The following SESN1 variants were observed in gnomAD, a reference collection of about 807,000 sequenced individuals.
SESN1 encodes the protein sestrin 1.
SESN1 carries 30 observed loss-of-function variants against 59.3 expected under a neutral mutation model. The observed-to-expected ratio is 0.51, with a 90% CI of 0.38 to 0.69. SESN1 has a LOEUF of 0.69. Among genes scored for constraint, SESN1 ranks in the 30% least tolerant of loss-of-function variants. The probability of loss-of-function intolerance (pLI) is 0.00; values close to 1 mark genes in which losing one functional copy is unlikely to be tolerated. For missense variants in SESN1, 566 were observed against 673.0 expected (o/e 0.84, Z 1.76); for synonymous variants, 197 against 219.9 (o/e 0.90, Z 0.92).
chr6:109,047,395 C>A (rs1303239296), intron 1 of SESN1, among the ~76,000 whole-genome samples: 1 of 130,280 alleles, frequency 7.7e-6, no homozygotes, highest in Admixed American at 7.2e-5. Flanking sequence ...AGGTGAGGGG[C>A]GCCTCTGCCC....
At chr6:109,065,256 TA>T (rs60833946) in intron 1 of SESN1, among the ~76,000 whole-genome samples, 12,105 of 152,080 alleles carry the variant, frequency 0.08, 1,151 homozygotes, top group African/African-American at 0.23. Context: ...TATAGGTTTA[TA>T]AAAAAAATTA....
Position 109,093,783 on chromosome 6 carries a change from G to A in SESN1, c.279+12C>T, listed in dbSNP as rs763294304. On this transcript the variant is annotated intron_variant, in intron 1 of 9. Transcript: ENST00000436639. ...GTAGAGACATAGTTGTATTTAAAAT[G>A]CTCTTCCTTACCTGGATGCTCTTCA... 4 of 1,607,990 alleles carry A rather than the reference G, an allele frequency of 2.5e-6. No homozygotes were observed. The highest frequency in any genetic ancestry group is 3.4e-6 in the Non-Finnish European group (4 of 1,175,794).
chr6:109,031,973 T>A (rs976308460), intron 1 of SESN1, among the ~76,000 whole-genome samples: 1 of 152,210 alleles, frequency 6.6e-6, no homozygotes, highest in East Asian at 1.9e-4. Context: ...ATCTTGAAGG[T>A]AATTTAATAT....
At position 108,987,306 on chromosome 6, in the gene SESN1, A is replaced by G. The variant is rs935044062; in HGVS notation, c.*238T>C. ...AGTTACACAGCATCTTGTACTGTCA[A>G]AAAGCAAAATACTGTGAATGGCAGC... is the stretch of plus-strand genomic sequence containing the variant. On this transcript the variant is annotated 3_prime_UTR_variant, in exon 10 of 10. Coordinates refer to ENST00000436639, the MANE Select transcript of SESN1 (RefSeq NM_014454.3). The G allele has an allele frequency of 4.2e-5, 18 of 431,252 alleles. No individual in the cohort carries two copies. The Admixed American group carries it at 6.6e-4, about 16-fold the overall frequency. 26.7% of individuals were successfully genotyped at this position (431,252 alleles called of 1,614,324 possible).
chr6:109,036,298 T>G (rs1197011509), intron 1 of SESN1, among the ~76,000 whole-genome samples: 1 of 152,236 alleles, frequency 6.6e-6, no homozygotes. Context: ...CTTTTGTGGG[T>G]TGGCTTTACG....
At chr6:109,075,275 G>A (rs1781014074) in intron 1 of SESN1, among the ~76,000 whole-genome samples, 1 of 152,110 alleles carries the variant, frequency 6.6e-6, no homozygotes, top group African/African-American at 2.4e-5. Flanking sequence ...GGTTCCCAAT[G>A]GCTTTTAAAA....
intron 1 of SESN1, among the ~76,000 whole-genome samples, chr6:109,026,186 G>T (rs1238611164): frequency 6.6e-6 from 1 of 152,078 alleles, no homozygotes; most frequent in Non-Finnish European, 1.5e-5. Context: ...TTTAACACAT[G>T]AAACTATCTT....
chr6:108,987,734 TC>T (rs1779237686), intron 9 of SESN1, 104 bp from the exon 10 acceptor site: 2 of 639,254 alleles, frequency 3.1e-6, no homozygotes, highest in African/African-American at 3.7e-5. Context: ...TTCCTACACT[TC>T]CTATGTAGTA....
intron 1 of SESN1, among the ~76,000 whole-genome samples, chr6:109,083,298 TTAGAA>T (rs1471301581): frequency 6.6e-6 from 1 of 152,194 alleles, no homozygotes; most frequent in African/African-American, 2.4e-5. Flanking sequence ...CTGTGGATAC[TTAGAA>T]TAGATGGTTA....
intron 1 of SESN1, among the ~76,000 whole-genome samples, chr6:109,019,007 GAAAATAT>G (rs770584276): frequency 2.4e-4 from 36 of 152,136 alleles, no homozygotes; most frequent in East Asian, 3.9e-4. Context: ...CAAATTTTCT[GAAAATAT>G]AAAATATAAA....
At chr6:109,080,843 C>A (rs1008924541) in intron 1 of SESN1, among the ~76,000 whole-genome samples, 1 of 152,078 alleles carries the variant, frequency 6.6e-6, no homozygotes, top group Non-Finnish European at 1.5e-5. Flanking sequence ...TGAGAACTGA[C>A]ACGACACCCC....
chr6:109,006,490 A>T (rs533121355), intron 1 of SESN1, among the ~76,000 whole-genome samples: 22 of 86,496 alleles, frequency 2.5e-4, no homozygotes, highest in African/African-American at 1.0e-3. Context: ...GATGTTCCCC[A>T]CCCTGTGTCC....
intron 1 of SESN1, among the ~76,000 whole-genome samples, chr6:109,026,931 C>T (rs1468942313): frequency 2.6e-5 from 4 of 152,130 alleles, no homozygotes; most frequent in African/African-American, 9.6e-5. Context: ...CCCAGCACTT[C>T]AGGAGCCCAG....
intron 1 of SESN1, among the ~76,000 whole-genome samples, chr6:109,013,272 G>A (rs2114353071): frequency 6.6e-6 from 1 of 152,234 alleles, no homozygotes; most frequent in East Asian, 1.9e-4. Flanking sequence ...CAAAACTAGG[G>A]GCAAGGAGAT....
At chr6:108,989,362 T>C (rs1053242612) in intron 8 of SESN1, among the ~76,000 whole-genome samples, 10 of 151,972 alleles carry the variant, frequency 6.6e-5, no homozygotes, top group African/African-American at 2.2e-4. Flanking sequence ...ATTAATTACA[T>C]TTGTTATTGG....
intron 1 of SESN1, among the ~76,000 whole-genome samples, chr6:109,082,644 G>A (rs1272016352): frequency 1.3e-5 from 2 of 152,112 alleles, no homozygotes; most frequent in African/African-American, 4.8e-5. Context: ...GAATGATGCT[G>A]GACTCCAATG....
At chr6:108,995,841 T>C (rs1047789014) in intron 5 of SESN1, among the ~76,000 whole-genome samples, 2 of 152,112 alleles carry the variant, frequency 1.3e-5, no homozygotes, top group East Asian at 3.8e-4. Flanking sequence ...AAAATTAATG[T>C]TTCCCCCCTT....
At chr6:108,994,030 C>T (rs1301973822) in intron 6 of SESN1, among the ~76,000 whole-genome samples, 1 of 151,230 alleles carries the variant, frequency 6.6e-6, no homozygotes, top group African/African-American at 2.4e-5. Context: ...GTCCTAGCTA[C>T]TCAGGAAGCT....
chr6:109,042,336 G>A (rs1022535602), intron 1 of SESN1, among the ~76,000 whole-genome samples: 4 of 151,562 alleles, frequency 2.6e-5, no homozygotes, highest in Non-Finnish European at 5.9e-5. Context: ...CAAGCAGACA[G>A]AAGAAAATAA....
Sources: gnomAD v4.1 joint callset for allele counts (sites outside exome capture counted in the v4.1 genomes callset) on GRCh38, gnomAD v4.1.1 for gene constraint, MANE v1.5 for transcripts, NCBI Gene and HGNC (gene_info 2026-07-23, HGNC 2026-07-21) for gene names.